BCL6B: variants seen among roughly 807,000 people sequenced by gnomAD.
BCL6B encodes BCL6B transcription repressor.
In BCL6B, 28 loss-of-function variants were observed where a neutral mutation model predicts 44.6. The ratio of observed to expected loss-of-function variants is 0.63; its 90% CI spans 0.47 to 0.86. The LOEUF (loss-of-function observed/expected upper bound fraction) is 0.86, where lower values mean the gene tolerates loss of function less well. Ranked by LOEUF, BCL6B falls within the 40% of genes least tolerant of loss-of-function variation. The probability of loss-of-function intolerance (pLI) is 0.00; values close to 1 mark genes in which losing one functional copy is unlikely to be tolerated. For synonymous variants in BCL6B, 268 were observed against 263.6 expected (o/e 1.02, Z -0.16); for missense variants, 626 against 652.3 (o/e 0.96, Z 0.44).
Position 7,029,112 on chromosome 17 carries a change from C to T in BCL6B, c.*1493C>T, listed in dbSNP as rs188415069. The T allele has an allele frequency of 1.0e-6, 1 of 985,490 alleles. No individual in the cohort carries two copies. The highest frequency in any genetic ancestry group is 1.7e-5 in the African/African-American group (1 of 57,356). 61.0% of individuals were successfully genotyped at this position (985,490 alleles called of 1,614,324 possible). ...TTGGTTGGGATTATTGTTGGCATTA[C>T]AGATGTAAAAGATTGACTAGCCCAT... is the stretch of plus-strand genomic sequence containing the variant. On this transcript the variant is annotated 3_prime_UTR_variant, in exon 9 of 9. Coordinates refer to ENST00000293805, the MANE Select transcript of BCL6B (RefSeq NM_181844.4).
At chr17:7,025,232 G>A (rs530021159) in intron 5 of BCL6B, 32 bp downstream of exon 5, 27 of 1,612,298 alleles carry the variant, frequency 1.7e-5, no homozygotes, top group Middle Eastern at 1.7e-4. Flanking sequence ...CTTTTCTCCC[G>A]TGACTGCTCC....
Position 7,028,784 on chromosome 17 carries a change from G to T in BCL6B, c.*1165G>T. Reference sequence around the variant, plus strand: ...TGAAACTCTTTAGCTTGATTAGATGGTAAACAGTGTTAACCCATCCTTTAC... The same window carrying T: ...TGAAACTCTTTAGCTTGATTAGATGTTAAACAGTGTTAACCCATCCTTTAC... On this transcript the variant is annotated 3_prime_UTR_variant, in exon 9 of 9. Coordinates refer to ENST00000293805, the MANE Select transcript of BCL6B (RefSeq NM_181844.4). 1 of 985,416 alleles carries T rather than the reference G, an allele frequency of 1.0e-6. No homozygotes were observed. Among genetic ancestry groups the T allele is most frequent in the Non-Finnish European group, 1.2e-6 (1 of 829,938 alleles). The allele number at this position is 985,416 out of a possible 1,614,324, so 61.0% of individuals were successfully genotyped here.
chr17:7,023,711 G>C lies in BCL6B; in HGVS notation c.40G>C (p.Val14Leu). Residue 14 changes from valine to leucine, a missense_variant, in exon 2 of 9, where the codon GTC (valine) becomes CTC (leucine). By Grantham distance (32) the Val-to-Leu change is conservative (BLOSUM62 1). Coordinates refer to ENST00000293805, the MANE Select transcript of BCL6B (RefSeq NM_181844.4). ...PAAPEGALGY[V>L]REFTRHSSDV... is the part of the protein sequence containing the mutation. ...CGCCCCGGAGGGAGCGCTGGGCTAC[G>C]TCCGCGAGTTCACTCGCCACTCCTC... 1 of 1,613,096 alleles carries C rather than the reference G, an allele frequency of 6.2e-7. No individual in the cohort carries two copies. The highest frequency in any genetic ancestry group is 8.5e-7 in the Non-Finnish European group (1 of 1,180,014).
rs192724541 is a variant in BCL6B at position 7,029,333 on chromosome 17, T to C, written c.*1714T>C. ...TTCTGCCCCTTGTTGCCCTGGGGCT[T>C]ATCTGATTATGGGACGAGGGTAGAA... On this transcript the variant is annotated 3_prime_UTR_variant, in exon 9 of 9. Transcript: ENST00000293805. 27 of 990,630 alleles carry C rather than the reference T, an allele frequency of 2.7e-5. 1 individual carries two copies. In the East Asian group the frequency reaches 3.0e-3, roughly 111 times the overall value. 61.4% of individuals were successfully genotyped at this position (990,630 alleles called of 1,614,324 possible). A position where few individuals can be genotyped will look rare whatever the true frequency, so the allele number is the denominator to read the frequency against.
chr17:7,027,682 G>T lies in BCL6B; in HGVS notation c.*63G>T. 2.5e-6 allele frequency: 4 copies of T among 1,604,068 alleles called. No individual in the cohort carries two copies. The South Asian group carries it at 3.3e-5, about 13-fold the overall frequency. On this transcript the variant is annotated 3_prime_UTR_variant, in exon 9 of 9. Transcript: ENST00000293805. ...TGGGAAAGCTGCAGGCCCAGGCCTT[G>T]CTTCCCTATCAGGCTTGGGCATAGG...
Position 7,028,018 on chromosome 17 carries a change from T to G in BCL6B, c.*399T>G, listed in dbSNP as rs1910349358. The G allele has an allele frequency of 9.8e-7, 1 of 1,016,998 alleles. No homozygotes were observed. The highest frequency in any genetic ancestry group is 4.0e-5 in the South Asian group (1 of 25,088). The allele number at this position is 1,016,998 out of a possible 1,614,324, so 63.0% of individuals were successfully genotyped here. A position where few individuals can be genotyped will look rare whatever the true frequency, so the allele number is the denominator to read the frequency against. ...CATTCGATTGCATTTCCCACTCCCCTCTTCCACAAGTGTGATTAAAAGTGA... is the reference window on the plus strand; with the variant it reads ...CATTCGATTGCATTTCCCACTCCCCGCTTCCACAAGTGTGATTAAAAGTGA... On this transcript the variant is annotated 3_prime_UTR_variant, in exon 9 of 9. Transcript: ENST00000293805.
At position 7,025,183 on chromosome 17, in the gene BCL6B, G is replaced by C. The variant is rs753410593; in HGVS notation, c.872G>C (p.Arg291Pro). ...GACACCTCTGGATCACCCTCTGAAC[G>C]GGCTCGTCCACTACCGGGTAAGAGC... Reference protein sequence around the residue: ...AQDTSGSPSERARPLPGSEFF... With the variant: ...AQDTSGSPSEPARPLPGSEFF... The change falls in exon 5 of 9, where the codon CGG becomes CCG. Residue 291 changes from arginine (R) to proline (P), a missense_variant. Transcript: ENST00000293805. 3 of 1,613,976 alleles carry C rather than the reference G, an allele frequency of 1.9e-6. No homozygotes were observed. The highest frequency in any genetic ancestry group is 2.5e-6 in the Non-Finnish European group (3 of 1,180,014).
intron 7 of BCL6B, 55 bp from the exon 8 acceptor site, chr17:7,026,895 A>G: frequency 6.2e-7 from 1 of 1,611,228 alleles, no homozygotes; most frequent in Non-Finnish European, 8.5e-7. Flanking sequence ...GGGTGGGCCA[A>G]TAGGGAGGGT....
rs1910366938 is a variant in BCL6B at position 7,028,498 on chromosome 17, G to GTGGGTGTGGGGGATTCTGTATCT, written c.*879_*880insTGGGTGTGGGGGATTCTGTATCT. 20 of 985,382 alleles carry GTGGGTGTGGGGGATTCTGTATCT rather than the reference G, an allele frequency of 2.0e-5. No homozygotes were observed. The highest frequency in any genetic ancestry group is 2.3e-5 in the Non-Finnish European group (19 of 829,952). The allele number at this position is 985,382 out of a possible 1,614,324, so 61.0% of individuals were successfully genotyped here. A position where few individuals can be genotyped will look rare whatever the true frequency, so the allele number is the denominator to read the frequency against. ...TTCCGTATCACTCCAAGTGGAGGCT[G>GTGGGTGTGGGGGATTCTGTATCT]GCAGGTTTTTCTGCAAGATGGTCCA... On this transcript the variant is annotated 3_prime_UTR_variant, in exon 9 of 9. Coordinates refer to ENST00000293805, the MANE Select transcript of BCL6B (RefSeq NM_181844.4).
chr17:7,025,165 C>T lies in BCL6B; in HGVS notation c.854C>T (p.Ser285Phe), dbSNP rs754524931. 13 of 1,614,098 alleles carry T rather than the reference C, an allele frequency of 8.1e-6. No homozygotes were observed. Among genetic ancestry groups the T allele is most frequent in the Admixed American group, 6.7e-5 (4 of 60,006 alleles). The change falls in exon 5 of 9, where the codon TCT becomes TTT. Residue 285 changes from serine to phenylalanine, a missense_variant. Transcript: ENST00000293805. ...YLLTSQAQDT[S>F]GSPSERARPL... is the part of the protein sequence containing the mutation. The stretch of plus-strand genomic sequence containing the variant: ...CTCACATCCCAGGCTCAAGACACCT[C>T]TGGATCACCCTCTGAACGGGCTCGT...
chr17:7,023,758 C>G lies in BCL6B; in HGVS notation c.87C>G (p.Asn29Lys). The part of the protein sequence containing the change: ...RHSSDVLGNL[N>K]ELRLRGILTD... Reference sequence around the variant, plus strand: ...CCTCCGACGTGCTGGGCAACCTCAACGAGCTGCGCCTGCGCGGGATCCTCA... The same window carrying G: ...CCTCCGACGTGCTGGGCAACCTCAAGGAGCTGCGCCTGCGCGGGATCCTCA... Residue 29 changes from asparagine (N) to lysine (K), a missense_variant, in exon 2 of 9, where the codon AAC becomes AAG. By Grantham distance (94) the Asn-to-Lys change is moderately conservative. Coordinates refer to ENST00000293805, the MANE Select transcript of BCL6B (RefSeq NM_181844.4). 1 of 1,613,390 alleles carries G rather than the reference C, an allele frequency of 6.2e-7. No homozygotes were observed. Among genetic ancestry groups the G allele is most frequent in the Non-Finnish European group, 8.5e-7 (1 of 1,180,018 alleles).
Position 7,024,079 on chromosome 17 carries a change from C to G in BCL6B, c.180-4C>G. The G allele has an allele frequency of 6.2e-7, 1 of 1,613,796 alleles. No homozygotes were observed. Among genetic ancestry groups the G allele is most frequent in the Non-Finnish European group, 8.5e-7 (1 of 1,179,916 alleles). On this transcript the variant is annotated splice_region_variant and splice_polypyrimidine_tract_variant and intron_variant, in intron 2 of 8. Coordinates refer to ENST00000293805, the MANE Select transcript of BCL6B (RefSeq NM_181844.4). The surrounding 1 kb of genome is among the most constrained non-coding windows in gnomAD (Gnocchi z 6.6). Reference sequence around the variant, plus strand: ...CCCAAAGGACTTATCTGCTCTCTCTCTAGTGGCTTCTTCTATTCAATTTTC... The same window carrying G: ...CCCAAAGGACTTATCTGCTCTCTCTGTAGTGGCTTCTTCTATTCAATTTTC...
rs1218376993 is a variant in BCL6B at position 7,024,084 on chromosome 17, G to A, written c.181G>A (p.Gly61Ser). The A allele has an allele frequency of 6.2e-7, 1 of 1,613,800 alleles. No homozygotes were observed. Among genetic ancestry groups the A allele is most frequent in the African/African-American group, 1.3e-5 (1 of 74,918 alleles). The part of the protein sequence containing the change: ...AHKAVLIACS[G>S]FFYSIFRGRA... ...AGGACTTATCTGCTCTCTCTCTAGT[G>A]GCTTCTTCTATTCAATTTTCCGGGG... The change falls in exon 3 of 9, where the codon GGC (glycine) becomes AGC (serine). Residue 61 changes from glycine to serine, a missense_variant and splice_region_variant. Physicochemically the swap from Gly to Ser is moderately conservative, Grantham distance 56 (BLOSUM62 0). Transcript: ENST00000293805. The surrounding 1 kb of genome is among the most constrained non-coding windows in gnomAD (Gnocchi z 6.6).
rs1910344667 is a variant in BCL6B at position 7,027,865 on chromosome 17, G to A, written c.*246G>A. The A allele has an allele frequency of 3.6e-6, 5 of 1,370,018 alleles. No homozygotes were observed. Among genetic ancestry groups the A allele is most frequent in the Admixed American group, 3.1e-5 (1 of 32,006 alleles). 84.9% of individuals were successfully genotyped at this position (1,370,018 alleles called of 1,614,324 possible). A position where few individuals can be genotyped will look rare whatever the true frequency, so the allele number is the denominator to read the frequency against. ...GTTTCTGAGGAGAGAGCTAGCTAGG[G>A]GCTGGGAAAGGGGAGAGATTGGAGT... On this transcript the variant is annotated 3_prime_UTR_variant, in exon 9 of 9. Transcript: ENST00000293805.
At position 7,024,218 on chromosome 17, in the gene BCL6B, A is replaced by G. The variant is rs1910216848; in HGVS notation, c.315A>G (p.Pro105=). 2 of 1,613,906 alleles carry G rather than the reference A, an allele frequency of 1.2e-6. No individual in the cohort carries two copies. Among genetic ancestry groups the G allele is most frequent in the African/African-American group, 1.3e-5 (1 of 75,026 alleles). The change falls in exon 3 of 9, where the codon CCA becomes CCG. Residue 105 remains proline (P), a synonymous_variant. Transcript: ENST00000293805. This position sits in a 1 kb window ranked among gnomAD's most constrained non-coding sequence, Gnocchi z 6.6. The part of the protein sequence containing the change: ...FMYTSRLRLS[P]ATAPAVLAAA... Reference sequence around the variant, plus strand: ...ACACTTCGCGCCTGCGCCTCTCTCCAGCCACTGCACCAGCAGTCCTAGCGG... The same window carrying G: ...ACACTTCGCGCCTGCGCCTCTCTCCGGCCACTGCACCAGCAGTCCTAGCGG...
At position 7,024,972 on chromosome 17, in the gene BCL6B, G is replaced by T; in HGVS notation, c.765-104G>T. On this transcript the variant is annotated intron_variant, in intron 4 of 8. Transcript: ENST00000293805. This position sits in a 1 kb window ranked among gnomAD's most constrained non-coding sequence, Gnocchi z 6.6. ...TGTGGCTCATTGGTCAACAATATTG[G>T]CTCACCCTGAGAGGGCAGGCCTTTG... 1 of 1,525,142 alleles carries T rather than the reference G, an allele frequency of 6.6e-7. No homozygotes were observed. 94.5% of individuals were successfully genotyped at this position (1,525,142 alleles called of 1,614,324 possible). A position where few individuals can be genotyped will look rare whatever the true frequency, so the allele number is the denominator to read the frequency against.
At chr17:7,023,892 G>A (rs1350913351) in intron 2 of BCL6B, 42 bp downstream of exon 2, 1 of 1,600,278 alleles carries the variant, frequency 6.2e-7, no homozygotes, top group Admixed American at 1.7e-5. Flanking sequence ...ATGGGAAAGG[G>A]GTGGGACCAC....
chr17:7,027,737 T>C lies in BCL6B; in HGVS notation c.*118T>C. 3 of 1,510,788 alleles carry C rather than the reference T, an allele frequency of 2.0e-6. No individual in the cohort carries two copies. Among genetic ancestry groups the C allele is most frequent in the Middle Eastern group, 2.4e-4 (1 of 4,162 alleles). The allele number at this position is 1,510,788 out of a possible 1,614,324, so 93.6% of individuals were successfully genotyped here. On this transcript the variant is annotated 3_prime_UTR_variant, in exon 9 of 9. Coordinates refer to ENST00000293805, the MANE Select transcript of BCL6B (RefSeq NM_181844.4). ...TGCCAGGCCACTTTGGTATCAGAAA[T>C]TGCCACCCTCTTAATTTCTCACTGG...
In BCL6B at chr17:7,028,633, G is replaced by C. The variant is rs1910370212; in HGVS notation, c.*1014G>C. 1.0e-6 allele frequency: 1 copy of C among 985,306 alleles called. No homozygotes were observed. The highest frequency in any genetic ancestry group is 1.7e-5 in the African/African-American group (1 of 57,208). 61.0% of individuals were successfully genotyped at this position (985,306 alleles called of 1,614,324 possible). On this transcript the variant is annotated 3_prime_UTR_variant, in exon 9 of 9. Coordinates refer to ENST00000293805, the MANE Select transcript of BCL6B (RefSeq NM_181844.4). ...AGTGGAGTCCATCATCCTCCCACGG[G>C]GGCCTGTTCTTAGCACTGAGTTGAT...
Sources: allele counts gnomAD v4.1 joint callset, GRCh38; gene constraint gnomAD v4.1.1; non-coding constraint Gnocchi (gnomAD v3.1); transcripts MANE v1.5; gene names NCBI Gene and HGNC (gene_info 2026-07-23, HGNC 2026-07-21).